VWA2: variants seen among roughly 807,000 people sequenced by gnomAD.
VWA2 encodes von Willebrand factor A domain containing 2.
Under a neutral mutation model 70.4 loss-of-function variants are expected in VWA2, and 73 were observed. The observed-to-expected ratio is 1.04, with a 90% confidence interval of 0.86 to 1.26. VWA2 has a LOEUF of 1.26. Ranked by LOEUF, VWA2 falls within the 50% of genes most tolerant of loss-of-function variation. The pLI is 0.00. For synonymous variants in VWA2, 407 were observed against 423.3 expected, an observed-to-expected ratio of 0.96 and a Z score of 0.47; for missense variants, 1,011 against 998.5, an observed-to-expected ratio of 1.01 and a Z score of -0.17.
chr10:114,284,157 A>C (rs1249150228), intron 9 of VWA2, among the ~76,000 whole-genome samples: 1 of 152,266 alleles, frequency 6.6e-6, no homozygotes, highest in African/African-American at 2.4e-5. Context: ...AATGGGCCAC[A>C]TTTTGACACA....
At position 114,253,672 on chromosome 10, in the gene VWA2, AG is replaced by A; in HGVS notation, c.76del (p.Glu26LysfsTer4). 1 of 1,612,148 alleles carries A rather than the reference AG, an allele frequency of 6.2e-7. No homozygotes were observed. Among genetic ancestry groups the A allele is most frequent in the Non-Finnish European group, 8.5e-7 (1 of 1,179,716 alleles). On this transcript the variant is annotated frameshift_variant, in exon 3 of 14. Coordinates refer to ENST00000392982, the MANE Select transcript of VWA2 (RefSeq NM_001272046.2). LOFTEE classifies it high-confidence loss of function. ...CTAGTGCCCCCATCTCTCCCTCTCC[AG>A]GAAGTCCATGTAAGCAAAGAAACCA... ...FSRVPPSLPL[Q>X]EVHVSKETIG...
At chr10:114,245,997 T>C (rs752935272) in intron 1 of VWA2, 5 of 551,190 alleles carry the variant, frequency 9.1e-6, no homozygotes, top group Non-Finnish European at 1.4e-5. Context: ...AGTCTGAGAA[T>C]ATTGGGTGGT....
chr10:114,259,981 A>C (rs1380996235), intron 4 of VWA2, among the ~76,000 whole-genome samples: 4 of 152,352 alleles, frequency 2.6e-5, no homozygotes, highest in African/African-American at 9.6e-5. Context: ...CGTTTCCATC[A>C]TCTCCCACGT....
chr10:114,290,699 C>CAACA (rs2039501945), intron 13 of VWA2, among the ~76,000 whole-genome samples: 1 of 150,124 alleles, frequency 6.7e-6, no homozygotes, highest in East Asian at 1.9e-4. Flanking sequence ...GGAGGGAGGC[C>CAACA]ACAGTTAGGA....
intron 4 of VWA2, among the ~76,000 whole-genome samples, chr10:114,257,399 A>G (rs1441522935): frequency 6.6e-6 from 1 of 152,200 alleles, no homozygotes; most frequent in African/African-American, 2.4e-5. Flanking sequence ...TGACCTTGGC[A>G]TTGATGTAGT....
chr10:114,277,408 T>C (rs1182700781), intron 6 of VWA2, among the ~76,000 whole-genome samples: 1 of 152,010 alleles, frequency 6.6e-6, no homozygotes, highest in Non-Finnish European at 1.5e-5. Context: ...GGTCCCAAAC[T>C]CCTGACCTCA....
intron 1 of VWA2, among the ~76,000 whole-genome samples, chr10:114,240,423 T>C (rs542260384): frequency 6.6e-6 from 1 of 152,266 alleles, no homozygotes; most frequent in South Asian, 2.1e-4. Context: ...GATTGTGGAA[T>C]CAAGGGCTCC....
chr10:114,260,563 G>C (rs1395143984), intron 4 of VWA2, among the ~76,000 whole-genome samples: 1 of 152,192 alleles, frequency 6.6e-6, no homozygotes, highest in Non-Finnish European at 1.5e-5. Flanking sequence ...GCTATGGTTA[G>C]CTTCTGCGGC....
At position 114,272,920 on chromosome 10, in the gene VWA2, G is replaced by C. The variant is rs574151921; in HGVS notation, c.552G>C (p.Gly184=). Reference sequence around the variant, plus strand: ...GGGGTGTCACTGTGTTTGCTGTGGGGGTCAGGTTTCCCAGGTAAGAGCCTC... The same window carrying C: ...GGGGTGTCACTGTGTTTGCTGTGGGCGTCAGGTTTCCCAGGTAAGAGCCTC... ...KERGVTVFAV[G]VRFPRWEELH... The change falls in exon 6 of 14, where the codon GGG becomes GGC. Residue 184 remains glycine (G), a synonymous_variant. Transcript: ENST00000392982. 6.2e-7 allele frequency: 1 copy of C among 1,611,650 alleles called. No homozygotes were observed. The highest frequency in any genetic ancestry group is 1.3e-5 in the African/African-American group (1 of 74,942).
At chr10:114,270,653 T>C (rs1351512227) in intron 5 of VWA2, among the ~76,000 whole-genome samples, 1 of 152,192 alleles carries the variant, frequency 6.6e-6, no homozygotes, top group Admixed American at 6.5e-5. Context: ...GGAACACTCT[T>C]TTTAAACACA....
chr10:114,287,460 C>A (rs1564744212), intron 11 of VWA2, among the ~76,000 whole-genome samples: 1 of 152,266 alleles, frequency 6.6e-6, no homozygotes, highest in African/African-American at 2.4e-5. Context: ...GGATTACAGG[C>A]TTGAGTGAAA....
chr10:114,283,201 T>C (rs1367377327), intron 9 of VWA2, among the ~76,000 whole-genome samples: 1 of 152,120 alleles, frequency 6.6e-6, no homozygotes, highest in African/African-American at 2.4e-5. Context: ...GGTGGATTTG[T>C]TACTCCCGAT....
intron 1 of VWA2, chr10:114,246,144 A>G (rs2037062576): frequency 1.9e-6 from 2 of 1,066,002 alleles, no homozygotes; most frequent in Non-Finnish European, 2.8e-6. Flanking sequence ...GTTCTTTGCT[A>G]TGAATTTTTA....
At chr10:114,283,614 G>A (rs2038472909) in intron 9 of VWA2, among the ~76,000 whole-genome samples, 1 of 152,186 alleles carries the variant, frequency 6.6e-6, no homozygotes, top group Admixed American at 6.5e-5. Context: ...TCTGACCTGG[G>A]GCATGTGACT....
At chr10:114,275,665 C>T (rs148899773) in intron 6 of VWA2, among the ~76,000 whole-genome samples, 88 of 152,248 alleles carry the variant, frequency 5.8e-4, no homozygotes, top group African/African-American at 1.8e-3. Context: ...TGGTGGCTCA[C>T]GCCTGTAATC....
At chr10:114,273,537 G>A (rs2037756875) in intron 6 of VWA2, among the ~76,000 whole-genome samples, 1 of 152,118 alleles carries the variant, frequency 6.6e-6, no homozygotes, top group Admixed American at 6.6e-5. Flanking sequence ...CTAGCTGCTG[G>A]GCAAATAGGC....
chr10:114,276,973 T>G (rs2037858963), intron 6 of VWA2, among the ~76,000 whole-genome samples: 2 of 152,114 alleles, frequency 1.3e-5, no homozygotes, highest in Non-Finnish European at 1.5e-5. Context: ...GCCTCCCCTG[T>G]GCACATGTGC....
intron 1 of VWA2, among the ~76,000 whole-genome samples, chr10:114,244,459 C>T (rs1474183087): frequency 6.6e-6 from 1 of 152,192 alleles, no homozygotes; most frequent in Non-Finnish European, 1.5e-5. Flanking sequence ...CACTTCACTT[C>T]TCCATGTCTC....
chr10:114,285,008 G>A, intron 10 of VWA2, 38 bp downstream of exon 10: 1 of 1,489,372 alleles, frequency 6.7e-7, no homozygotes, highest in Non-Finnish European at 9.0e-7. Context: ...GACCACTGGG[G>A]AGCAAGAAGA....
Sources: allele counts gnomAD v4.1 joint callset (sites outside exome capture counted in the v4.1 genomes callset), GRCh38; gene constraint gnomAD v4.1.1; transcripts MANE v1.5; gene names NCBI Gene and HGNC (gene_info 2026-07-23, HGNC 2026-07-21).